The following EBF1 variants were observed in gnomAD, a reference collection of about 807,000 sequenced individuals.
EBF1 encodes EBF transcription factor 1, also known as transcription factor COE1.
EBF1 carries 10 observed loss-of-function variants against 68.4 expected under a neutral mutation model. That is an observed-to-expected ratio of 0.15 (90% CI 0.09 to 0.25). EBF1 has a LOEUF of 0.25. Ranked by LOEUF, EBF1 falls within the 10% of genes least tolerant of loss-of-function variation. The probability of loss-of-function intolerance (pLI) is 1.00; values close to 1 mark genes in which losing one functional copy is unlikely to be tolerated. For missense variants in EBF1, 509 were observed against 794.4 expected (o/e 0.64, Z 4.32); for synonymous variants, 298 against 299.8 (o/e 0.99, Z 0.06).
chr5:158,708,963 T>C (rs1758531340), intron 14 of EBF1, among the ~76,000 whole-genome samples: 1 of 152,212 alleles, frequency 6.6e-6, no homozygotes, highest in Non-Finnish European at 1.5e-5. Flanking sequence ...GGGAAAACTC[T>C]GGCAACTCAG....
At chr5:158,919,816 T>A (rs916477205) in intron 6 of EBF1, among the ~76,000 whole-genome samples, 4 of 152,200 alleles carry the variant, frequency 2.6e-5, no homozygotes, top group African/African-American at 7.2e-5. Flanking sequence ...CATATTATTA[T>A]CCCAATTTAC....
At chr5:158,858,571 C>T (rs2128021651) in intron 6 of EBF1, among the ~76,000 whole-genome samples, 1 of 152,300 alleles carries the variant, frequency 6.6e-6, no homozygotes, top group South Asian at 2.1e-4. Flanking sequence ...TCCCATCCAT[C>T]AAATATCACA....
chr5:159,099,401 C>G lies in EBF1; in HGVS notation c.78G>C (p.Ala26=), dbSNP rs1486752519. The change falls in exon 1 of 16, where the codon GCG becomes GCC. Residue 26 remains alanine, a synonymous_variant. Coordinates refer to ENST00000313708, the MANE Select transcript of EBF1 (RefSeq NM_024007.5). Reference sequence around the variant, plus strand: ...CGGCGCCCTGCATCCACGTCCGCACCGCGTTCATGCCGCTGCCCAGCGGCT... The same window carrying G: ...CGGCGCCCTGCATCCACGTCCGCACGGCGTTCATGCCGCTGCCCAGCGGCT... ...KEEPLGSGMN[A]VRTWMQGAGV... 4 of 1,601,826 alleles carry G rather than the reference C, an allele frequency of 2.5e-6. No homozygotes were observed. The highest frequency in any genetic ancestry group is 8.5e-7 in the Non-Finnish European group (1 of 1,174,384).
intron 6 of EBF1, among the ~76,000 whole-genome samples, chr5:158,988,037 C>G (rs1185506173): frequency 6.6e-6 from 1 of 152,148 alleles, no homozygotes; most frequent in African/African-American, 2.4e-5. Flanking sequence ...ATAACACAGA[C>G]AACTGGAATA....
intron 9 of EBF1, 30 bp from the exon 10 acceptor site, chr5:158,777,569 T>C (rs1335950218): frequency 6.3e-7 from 1 of 1,575,042 alleles, no homozygotes. Flanking sequence ...GGAAAAATTG[T>C]CATTGCAATA....
chr5:158,919,714 T>C (rs954458060), intron 6 of EBF1, among the ~76,000 whole-genome samples: 6 of 152,130 alleles, frequency 3.9e-5, no homozygotes, highest in African/African-American at 1.4e-4. Flanking sequence ...GCAAGGAGAG[T>C]AAAGTTGCAT....
intron 12 of EBF1, 23 bp from the exon 13 acceptor site, chr5:158,713,170 C>A: frequency 1.4e-6 from 2 of 1,410,258 alleles, no homozygotes; most frequent in South Asian, 1.7e-5. Context: ...AGGAATATCC[C>A]CTTCAGCTGC....
intron 2 of EBF1, 135 bp downstream of exon 2, chr5:159,096,839 A>G (rs1244476818): frequency 4.2e-6 from 5 of 1,184,070 alleles, no homozygotes; most frequent in East Asian, 2.6e-5. Context: ...TGGGATGGGA[A>G]GTGGCTTGGG....
At position 158,967,360 on chromosome 5, in the gene EBF1, T is replaced by G. The variant is rs1754384014; in HGVS notation, c.554+106036A>C. 2.6e-5 allele frequency among the ~76,000 whole-genome samples: 4 copies of G among 152,336 alleles called. No homozygotes were observed. In the South Asian group the frequency reaches 8.3e-4, roughly 32 times the overall value. ...TATGGACCAGAATCAATATGTATCT[T>G]TACCGTAAAATGGAGCCCTTTTCTA... On this transcript the variant is annotated intron_variant, in intron 6 of 15. Coordinates refer to ENST00000313708, the MANE Select transcript of EBF1 (RefSeq NM_024007.5).
intron 6 of EBF1, among the ~76,000 whole-genome samples, chr5:159,000,078 A>G (rs949816180): frequency 6.6e-6 from 1 of 152,202 alleles, no homozygotes; most frequent in South Asian, 2.1e-4. Flanking sequence ...AAAAGCAATG[A>G]TAGATGAAGC....
intron 6 of EBF1, among the ~76,000 whole-genome samples, chr5:158,992,175 C>T (rs1760462684): frequency 6.6e-6 from 1 of 151,094 alleles, no homozygotes; most frequent in Non-Finnish European, 1.5e-5. Flanking sequence ...TCAACTAAGA[C>T]TTTCCTCAAC....
intron 6 of EBF1, among the ~76,000 whole-genome samples, chr5:158,871,896 G>C (rs1232611085): frequency 1.3e-5 from 2 of 152,256 alleles, no homozygotes; most frequent in South Asian, 4.1e-4. Flanking sequence ...CAAAAACCCA[G>C]ACAGCACCAG....
chr5:158,882,740 ATCT>A (rs983436877), intron 6 of EBF1, among the ~76,000 whole-genome samples: 1 of 152,238 alleles, frequency 6.6e-6, no homozygotes, highest in Non-Finnish European at 1.5e-5. Flanking sequence ...CTTTTAACAT[ATCT>A]TCTCCAATAG....
At chr5:158,801,440 T>C (rs1159215099) in intron 8 of EBF1, among the ~76,000 whole-genome samples, 1 of 152,060 alleles carries the variant, frequency 6.6e-6, no homozygotes, top group Non-Finnish European at 1.5e-5. Flanking sequence ...GCACACATTT[T>C]AGCGTTTGTA....
At chr5:158,863,795 A>G (rs1426316213) in intron 6 of EBF1, among the ~76,000 whole-genome samples, 1 of 152,196 alleles carries the variant, frequency 6.6e-6, no homozygotes, top group Non-Finnish European at 1.5e-5. Context: ...TCTCTTCAAT[A>G]TAACTCAAAC....
chr5:158,780,527 T>C (rs1776238044), intron 9 of EBF1, among the ~76,000 whole-genome samples: 1 of 152,186 alleles, frequency 6.6e-6, no homozygotes, highest in Non-Finnish European at 1.5e-5. Flanking sequence ...AAAAAACTTA[T>C]TTTAAAAGAA....
chr5:158,878,510 C>T (rs1003894898), intron 6 of EBF1, among the ~76,000 whole-genome samples: 5 of 152,182 alleles, frequency 3.3e-5, no homozygotes, highest in African/African-American at 1.2e-4. Flanking sequence ...CTCATTATCT[C>T]ATTTAACCCC....
intron 10 of EBF1, among the ~76,000 whole-genome samples, chr5:158,753,027 C>T (rs879915961): frequency 2.0e-5 from 3 of 151,930 alleles, no homozygotes; most frequent in Non-Finnish European, 4.4e-5. Context: ...TGTTTTCGCT[C>T]GCTCAACACC....
At chr5:159,096,587 G>A in intron 2 of EBF1, 181 bp from the exon 3 acceptor site, 1 of 666,684 alleles carries the variant, frequency 1.5e-6, no homozygotes, top group Non-Finnish European at 2.6e-6. Context: ...GTTCCTGACT[G>A]CTCCCTCTCT....
Sources: allele counts gnomAD v4.1 joint callset (sites outside exome capture counted in the v4.1 genomes callset), GRCh38; gene constraint gnomAD v4.1.1; transcripts MANE v1.5; gene names NCBI Gene and HGNC (gene_info 2026-07-23, HGNC 2026-07-21).